The following CYFIP1 variants were observed in gnomAD, a reference collection of about 807,000 sequenced individuals.
CYFIP1 encodes cytoplasmic FMR1 interacting protein 1, also known as cytoplasmic FMR1-interacting protein 1.
CYFIP1 carries 58 observed loss-of-function variants against 163.5 expected under a neutral mutation model. The ratio of observed to expected loss-of-function variants is 0.35; its 90% CI spans 0.29 to 0.44. The LOEUF (loss-of-function observed/expected upper bound fraction) is 0.44. Ranked by LOEUF, CYFIP1 falls within the 20% of genes least tolerant of loss-of-function variation. The pLI is 1.00. For missense variants in CYFIP1, 1,338 were observed against 1,653.8 expected, an observed-to-expected ratio of 0.81 and a Z score of 3.31; for synonymous variants, 663 against 660.7, an observed-to-expected ratio of 1.00 and a Z score of -0.05.
At chr15:22,897,880 C>G (rs1271223031) in intron 22 of CYFIP1, among the ~76,000 whole-genome samples, 1 of 152,178 alleles carries the variant, frequency 6.6e-6, no homozygotes, top group African/African-American at 2.4e-5. Flanking sequence ...CCCTGGCACA[C>G]GCACAGTTTA....
At chr15:22,913,605 TAAAAAAAAAAAA>T (rs33967385) in intron 17 of CYFIP1, among the ~76,000 whole-genome samples, 4 of 66,970 alleles carry the variant, frequency 6.0e-5, no homozygotes, top group African/African-American at 1.8e-4. Context: ...TAGACAGCAT[TAAAAAAAAAAAA>T]AAAAAAAAAA....
At chr15:22,883,812 A>G (rs1349517350) in intron 23 of CYFIP1, among the ~76,000 whole-genome samples, 9 of 106,784 alleles carry the variant, frequency 8.4e-5, no homozygotes, top group African/African-American at 2.4e-4. Flanking sequence ...ACGAGACTTC[A>G]TCTCAAAAAA....
rs535617366 is a variant in CYFIP1, at chr15:22,941,728, C to T, written c.569+1445G>A. 7.2e-5 allele frequency among the ~76,000 whole-genome samples: 11 copies of T among 152,222 alleles called. No homozygotes were observed. The South Asian group carries it at 1.0e-3, about 14-fold the overall frequency. Reference sequence around the variant, plus strand: ...AGACGCTAGAGGGGAAACCCTCCTTCCCCCAGCTTTGCACACAGCAGCCCC... The same window carrying T: ...AGACGCTAGAGGGGAAACCCTCCTTTCCCCAGCTTTGCACACAGCAGCCCC... On this transcript the variant is annotated intron_variant, in intron 6 of 30. Coordinates refer to ENST00000617928, the MANE Select transcript of CYFIP1 (RefSeq NM_014608.6).
intron 1 of CYFIP1, among the ~76,000 whole-genome samples, chr15:22,971,852 A>G (rs766222193): frequency 5.9e-5 from 9 of 152,094 alleles, no homozygotes; most frequent in Non-Finnish European, 1.0e-4. Context: ...CCTGGGTAAC[A>G]GCCTAGGTAA....
chr15:22,923,965 A>AC (rs2061276805), intron 13 of CYFIP1, among the ~76,000 whole-genome samples: 2 of 150,470 alleles, frequency 1.3e-5, no homozygotes, highest in South Asian at 4.2e-4. Context: ...AAAAAAAAAA[A>AC]CAAGAAAAAG....
intron 11 of CYFIP1, among the ~76,000 whole-genome samples, chr15:22,931,592 G>C (rs1249624549): frequency 7.0e-6 from 1 of 143,560 alleles, no homozygotes; most frequent in Non-Finnish European, 1.5e-5. Context: ...CTTTCGAGTT[G>C]CTTGGAATCA....
chr15:22,969,589 C>T (rs1175967717), intron 1 of CYFIP1, among the ~76,000 whole-genome samples: 5 of 152,120 alleles, frequency 3.3e-5, no homozygotes, highest in Non-Finnish European at 1.5e-5. Flanking sequence ...GCTGCTGTGG[C>T]CATCAGCTCT....
At chr15:22,951,266 C>T in intron 1 of CYFIP1, 2 of 1,080,396 alleles carry the variant, frequency 1.9e-6, no homozygotes, top group Non-Finnish European at 2.3e-6. Context: ...CAGCCGGTCA[C>T]TGCTGCATGT....
intron 1 of CYFIP1, among the ~76,000 whole-genome samples, chr15:22,978,109 T>C (rs1469565916): frequency 1.3e-5 from 2 of 151,616 alleles, no homozygotes; most frequent in African/African-American, 2.4e-5. Context: ...ACCAGCACTT[T>C]GGGAGGCTGA....
chr15:22,948,861 TGTTAA>T, intron 1 of CYFIP1, among the ~76,000 whole-genome samples: 1 of 140,230 alleles, frequency 7.1e-6, no homozygotes, highest in Middle Eastern at 4.4e-3. Context: ...GATAGAGCAA[TGTTAA>T]GTTTTCTAAT....
intron 1 of CYFIP1, among the ~76,000 whole-genome samples, chr15:22,963,160 T>C (rs1171218725): frequency 6.6e-6 from 1 of 152,196 alleles, no homozygotes; most frequent in African/African-American, 2.4e-5. Context: ...ATTGTGTTCT[T>C]TGTCCTATTT....
At chr15:22,937,359 G>C in intron 8 of CYFIP1, 151 bp from the exon 9 acceptor site, 1 of 597,100 alleles carries the variant, frequency 1.7e-6, no homozygotes, top group South Asian at 2.3e-5. Flanking sequence ...TCTGGTGCTT[G>C]AAATGCATCA....
intron 22 of CYFIP1, among the ~76,000 whole-genome samples, chr15:22,893,306 T>C (rs561599600): frequency 2.3e-4 from 35 of 152,288 alleles, no homozygotes; most frequent in African/African-American, 8.4e-4. Flanking sequence ...GTGGGGCAGC[T>C]GCCTGTGACG....
chr15:22,958,013 C>T (rs1365402245), intron 1 of CYFIP1, among the ~76,000 whole-genome samples: 1 of 152,156 alleles, frequency 6.6e-6, no homozygotes, highest in Non-Finnish European at 1.5e-5. Flanking sequence ...CAGAAACAGG[C>T]TGTCATGACC....
intron 1 of CYFIP1, among the ~76,000 whole-genome samples, chr15:22,954,265 G>T (rs1439021792): frequency 2.0e-5 from 3 of 152,120 alleles, no homozygotes; most frequent in Admixed American, 2.0e-4. Flanking sequence ...CCTGATCTCA[G>T]ACTCCCAGCT....
At chr15:22,933,018 C>G in intron 10 of CYFIP1, among the ~76,000 whole-genome samples, 1 of 151,430 alleles carries the variant, frequency 6.6e-6, no homozygotes, top group South Asian at 2.1e-4. Context: ...TTTTTTCATA[C>G]AGTCAAGGTC....
At position 22,917,682 on chromosome 15, in the gene CYFIP1, G is replaced by A. The variant is rs996223306; in HGVS notation, c.1674+106C>T. 6 of 1,316,114 alleles carry A rather than the reference G, an allele frequency of 4.6e-6. No homozygotes were observed. Among genetic ancestry groups the A allele is most frequent in the South Asian group, 4.5e-5 (3 of 66,112 alleles). The allele number at this position is 1,316,114 out of a possible 1,614,324, so 81.5% of individuals were successfully genotyped here. A position where few individuals can be genotyped will look rare whatever the true frequency, so the allele number is the denominator to read the frequency against. On this transcript the variant is annotated intron_variant, in intron 15 of 30. Transcript: ENST00000617928. This position sits in a 1 kb window ranked among gnomAD's most constrained non-coding sequence, Gnocchi z 4.2. The stretch of plus-strand genomic sequence containing the variant: ...GGCGCCACTTTCTCTGCCTGAGCAG[G>A]CAGCGAGGACCTCATTTAACCCGGG...
intron 30 of CYFIP1, among the ~76,000 whole-genome samples, chr15:22,870,768 A>G (rs2059411859): frequency 6.6e-6 from 1 of 152,168 alleles, no homozygotes; most frequent in Admixed American, 6.6e-5. Flanking sequence ...TGTCTGCTCA[A>G]AGCTGGGGAT....
intron 23 of CYFIP1, among the ~76,000 whole-genome samples, chr15:22,888,155 C>T (rs1479927838): frequency 2.0e-5 from 3 of 152,152 alleles, no homozygotes; most frequent in African/African-American, 7.2e-5. Context: ...TTATTTTATT[C>T]CTGCAAGATA....
Sources: gnomAD v4.1 joint callset for allele counts (sites outside exome capture counted in the v4.1 genomes callset) on GRCh38, gnomAD v4.1.1 for gene constraint, Gnocchi (gnomAD v3.1) non-coding constraint, MANE v1.5 for transcripts, NCBI Gene and HGNC (gene_info 2026-07-23, HGNC 2026-07-21) for gene names.